The following PTPRD variants were observed in gnomAD, a reference collection of about 807,000 sequenced individuals.
PTPRD encodes the protein protein tyrosine phosphatase receptor type D.
PTPRD carries 34 observed loss-of-function variants against 214.5 expected under a neutral mutation model. That is an observed-to-expected ratio of 0.16 (90% CI 0.12 to 0.21). PTPRD has a LOEUF of 0.21. PTPRD is among the 10% of genes least tolerant of loss of function. The pLI, the probability that PTPRD is intolerant of heterozygous loss-of-function variation, is 1.00. For synonymous variants in PTPRD, 1,128 were observed against 845.7 expected, an observed-to-expected ratio of 1.33 and a Z score of -5.79; for missense variants, 2,545 against 2,398.7, an observed-to-expected ratio of 1.06 and a Z score of -1.27.
chr9:10,342,834 A>G (rs1431233843), intron 2 of PTPRD, among the ~76,000 whole-genome samples: 1 of 152,080 alleles, frequency 6.6e-6, no homozygotes, highest in East Asian at 1.9e-4. Context: ...TATATTATCT[A>G]CTTACCAGCA....
chr9:9,800,198 G>A (rs1042641918), intron 5 of PTPRD, among the ~76,000 whole-genome samples: 7 of 152,218 alleles, frequency 4.6e-5, no homozygotes, highest in Non-Finnish European at 7.4e-5. Flanking sequence ...TTAGCCAGGC[G>A]GGGTGGTGCA....
intron 2 of PTPRD, among the ~76,000 whole-genome samples, chr9:10,513,224 A>T (rs2048894506): frequency 6.6e-6 from 1 of 151,804 alleles, no homozygotes; most frequent in African/African-American, 2.4e-5. Flanking sequence ...CGTTTATTTT[A>T]AAAATGTTGT....
chr9:9,646,316 T>TGG (rs1017986390), intron 7 of PTPRD, among the ~76,000 whole-genome samples: 3 of 142,072 alleles, frequency 2.1e-5, no homozygotes, highest in Non-Finnish European at 3.2e-5. Flanking sequence ...TGTGTGTGTG[T>TGG]GGGTGTGTGT....
At chr9:9,461,163 A>G (rs1417283054) in intron 8 of PTPRD, among the ~76,000 whole-genome samples, 1 of 150,818 alleles carries the variant, frequency 6.6e-6, no homozygotes, top group Non-Finnish European at 1.5e-5. Context: ...ACACTGGGGG[A>G]TCTAAAATGT....
chr9:8,417,427 AACT>A (rs2094021007), intron 35 of PTPRD, among the ~76,000 whole-genome samples: 1 of 152,172 alleles, frequency 6.6e-6, no homozygotes. Context: ...TATTGGCAGA[AACT>A]ACTAAGAATG....
intron 33 of PTPRD, chr9:8,454,533 AT>A: frequency 6.2e-7 from 1 of 1,606,228 alleles, no homozygotes; most frequent in South Asian, 1.1e-5. Context: ...CTACCAGTTT[AT>A]TTTTTTCTTA....
At chr9:9,921,370 T>G (rs1003790026) in intron 5 of PTPRD, among the ~76,000 whole-genome samples, 4 of 152,074 alleles carry the variant, frequency 2.6e-5, no homozygotes. Flanking sequence ...TAATTAAGAA[T>G]GTGTCCTTAA....
intron 35 of PTPRD, among the ~76,000 whole-genome samples, chr9:8,409,436 C>T (rs1294619974): frequency 6.6e-6 from 1 of 152,112 alleles, no homozygotes; most frequent in East Asian, 1.9e-4. Context: ...AAACACAACG[C>T]ACAGAAGGTT....
intron 12 of PTPRD, among the ~76,000 whole-genome samples, chr9:8,716,777 G>T (rs755885246): frequency 7.9e-5 from 12 of 152,268 alleles, no homozygotes; most frequent in Non-Finnish European, 1.8e-4. Context: ...CAGTTGAACT[G>T]GCCTACCTCA....
intron 2 of PTPRD, among the ~76,000 whole-genome samples, chr9:10,369,003 T>A (rs920440483): frequency 1.3e-5 from 2 of 152,098 alleles, no homozygotes; most frequent in Non-Finnish European, 2.9e-5. Context: ...AATATGTGTT[T>A]TTTTTAATTA....
chr9:9,113,563 G>A (rs925211637), intron 10 of PTPRD, among the ~76,000 whole-genome samples: 40 of 152,082 alleles, frequency 2.6e-4, no homozygotes. Flanking sequence ...GAAAAGGGAT[G>A]TTTTTTGAAG....
At chr9:9,204,984 T>C (rs1056573792) in intron 9 of PTPRD, among the ~76,000 whole-genome samples, 3 of 152,204 alleles carry the variant, frequency 2.0e-5, no homozygotes, top group East Asian at 1.9e-4. Context: ...TGTGTGACTA[T>C]TGAAGAATGC....
chr9:9,510,719 T>A (rs1188477926), intron 8 of PTPRD, among the ~76,000 whole-genome samples: 1 of 151,468 alleles, frequency 6.6e-6, no homozygotes, highest in African/African-American at 2.4e-5. Context: ...TTGGGCGGCC[T>A]CACCATGATC....
chr9:9,705,110 C>T (rs983815398), intron 7 of PTPRD, among the ~76,000 whole-genome samples: 7 of 152,080 alleles, frequency 4.6e-5, no homozygotes, highest in African/African-American at 7.2e-5. Context: ...GAGCACTTCA[C>T]GTGAAGCTAG....
At chr9:9,366,075 A>C (rs1431443498) in intron 9 of PTPRD, among the ~76,000 whole-genome samples, 4 of 151,554 alleles carry the variant, frequency 2.6e-5, no homozygotes, top group African/African-American at 9.7e-5. Flanking sequence ...CCTAGGAATA[A>C]GTCTATTGCA....
At chr9:8,553,560 T>C (rs2082752380) in intron 14 of PTPRD, among the ~76,000 whole-genome samples, 1 of 152,154 alleles carries the variant, frequency 6.6e-6, no homozygotes, top group African/African-American at 2.4e-5. Flanking sequence ...GAGATAGTAA[T>C]AATAAATACG....
At chr9:9,141,394 G>T (rs536432749) in intron 10 of PTPRD, among the ~76,000 whole-genome samples, 2 of 152,042 alleles carry the variant, frequency 1.3e-5, no homozygotes, top group African/African-American at 2.4e-5. Flanking sequence ...GAAATTGTTG[G>T]GTAGTTTGTT....
intron 11 of PTPRD, among the ~76,000 whole-genome samples, chr9:8,752,331 A>G (rs182434641): frequency 5.3e-5 from 8 of 152,242 alleles, no homozygotes; most frequent in Non-Finnish European, 1.2e-4. Context: ...CTACACTTTC[A>G]ACAGTGCCAT....
At chr9:10,249,678 C>A (rs1228542687) in intron 3 of PTPRD, among the ~76,000 whole-genome samples, 1 of 152,066 alleles carries the variant, frequency 6.6e-6, no homozygotes, top group Non-Finnish European at 1.5e-5. Context: ...ATGAGAAGCA[C>A]TAATGTTAAG....
Sources: gnomAD v4.1 joint callset for allele counts (sites outside exome capture counted in the v4.1 genomes callset) on GRCh38, gnomAD v4.1.1 for gene constraint, MANE v1.5 for transcripts, NCBI Gene and HGNC (gene_info 2026-07-23, HGNC 2026-07-21) for gene names.